The following MEX3D variants were observed in gnomAD, a reference collection of about 807,000 sequenced individuals.
MEX3D encodes the protein mex-3 RNA binding family member D, also known as RNA-binding protein MEX3D.
MEX3D carries 4 observed loss-of-function variants against 6.3 expected under a neutral mutation model. The observed-to-expected ratio is 0.64, with a 90% CI of 0.31 to 1.46. The LOEUF (loss-of-function observed/expected upper bound fraction) is 1.46. Among genes scored for constraint, MEX3D ranks in the 40% most tolerant of loss-of-function variants. The pLI is 0.07. For missense variants in MEX3D, 1,038 were observed against 994.4 expected, an observed-to-expected ratio of 1.04 and a Z score of -0.59; for synonymous variants, 626 against 494.1, an observed-to-expected ratio of 1.27 and a Z score of -3.54.
Position 1,567,848 on chromosome 19 carries a change from G to C in MEX3D, c.211C>G (p.Leu71Val). The C allele has an allele frequency of 1.0e-6, 1 of 1,002,498 alleles. No individual in the cohort carries two copies. The highest frequency in any genetic ancestry group is 1.2e-6 in the Non-Finnish European group (1 of 842,538). The allele number at this position is 1,002,498 out of a possible 1,614,324, so 62.1% of individuals were successfully genotyped here. A position where few individuals can be genotyped will look rare whatever the true frequency, so the allele number is the denominator to read the frequency against. ...TCGTCCGTGTCGCCAGCGCCCCCCA[G>C]CCCGAGCGCCGACAGCTGGTCCAGC... Reference protein sequence around the residue: ...LALDQLSALGLGGAGDTDEEG... With the variant: ...LALDQLSALGVGGAGDTDEEG... The change falls in exon 1 of 2, where the codon CTG becomes GTG. Residue 71 changes from leucine to valine, a missense_variant. Physicochemically the swap from Leu to Val is conservative, Grantham distance 32 (BLOSUM62 1). Around this residue, in one of 5 missense-constraint regions of MEX3D, gnomAD observed 265 missense variants for 206.3 expected, o/e 1.28. Transcript: ENST00000402693. The surrounding 1 kb of genome is among the most constrained non-coding windows in gnomAD (Gnocchi z 6.5).
chr19:1,558,049 C>CAA (rs35362564), intron 1 of MEX3D, among the ~76,000 whole-genome samples: 113 of 83,810 alleles, frequency 1.3e-3, no homozygotes, highest in African/African-American at 3.0e-3. Flanking sequence ...GACTCCATTT[C>CAA]AAAAAAAAAA....
intron 1 of MEX3D, among the ~76,000 whole-genome samples, chr19:1,565,759 G>C (rs879377341): frequency 6.6e-6 from 1 of 152,184 alleles, no homozygotes; most frequent in Non-Finnish European, 1.5e-5. Flanking sequence ...GGTGCAGAAC[G>C]CACAGGCCAG....
At chr19:1,564,466 G>A (rs1599328253) in intron 1 of MEX3D, among the ~76,000 whole-genome samples, 1 of 151,224 alleles carries the variant, frequency 6.6e-6, no homozygotes, top group Non-Finnish European at 1.5e-5. Context: ...CTGGGAGGTG[G>A]AGCTTGCAGT....
rs532977757 is a variant in MEX3D, at chr19:1,556,383, T to C, written c.1136A>G (p.Gln379Arg). ...AASLWAKTPN[Q>R]GRRPPTATAG... The stretch of plus-strand genomic sequence containing the variant: ...CGTGGCCGTGGGGGGCCGTCGTCCC[T>C]GGTTGGGGGTCTTGGCCCAGAGGCT... The change falls in exon 2 of 2, where the codon CAG becomes CGG. Residue 379 changes from glutamine (Q) to arginine (R), a missense_variant. Gln to Arg is a conservative substitution (Grantham distance 43, BLOSUM62 1). Coordinates refer to ENST00000402693, the MANE Select transcript of MEX3D (RefSeq NM_203304.4). The surrounding 1 kb of genome is among the most constrained non-coding windows in gnomAD (Gnocchi z 7.5). 2.6e-6 allele frequency: 4 copies of C among 1,528,494 alleles called. No individual in the cohort carries two copies. The highest frequency in any genetic ancestry group is 1.2e-5 in the South Asian group (1 of 82,490). 94.7% of individuals were successfully genotyped at this position (1,528,494 alleles called of 1,614,324 possible). A position where few individuals can be genotyped will look rare whatever the true frequency, so the allele number is the denominator to read the frequency against.
At position 1,555,777 on chromosome 19, in the gene MEX3D, G is replaced by T; in HGVS notation, c.1742C>A (p.Ser581Tyr). Residue 581 changes from serine (S) to tyrosine (Y), a missense_variant, in exon 2 of 2, where the codon TCC (serine) becomes TAC (tyrosine). Around this residue, in one of 5 missense-constraint regions of MEX3D, gnomAD observed 581 missense variants for 516.2 expected, o/e 1.13. Coordinates refer to ENST00000402693, the MANE Select transcript of MEX3D (RefSeq NM_203304.4). ...AACAPLDSGA[S>Y]ENSRKPPSAS... ...CGAAGGGGGCTTGCGGCTGTTCTCG[G>T]AGGCGCCGGAGTCCAGGGGGGCGCA... 1 of 1,458,548 alleles carries T rather than the reference G, an allele frequency of 6.9e-7. No homozygotes were observed. Among genetic ancestry groups the T allele is most frequent in the Non-Finnish European group, 9.0e-7 (1 of 1,112,848 alleles). 90.4% of individuals were successfully genotyped at this position (1,458,548 alleles called of 1,614,324 possible). A position where few individuals can be genotyped will look rare whatever the true frequency, so the allele number is the denominator to read the frequency against.
chr19:1,556,751 C>T lies in MEX3D; in HGVS notation c.768G>A (p.Lys256=), dbSNP rs751270275. Residue 256 remains lysine (K), a synonymous_variant, in exon 2 of 2, where the codon AAG becomes AAA. Coordinates refer to ENST00000402693, the MANE Select transcript of MEX3D (RefSeq NM_203304.4). This position sits in a 1 kb window ranked among gnomAD's most constrained non-coding sequence, Gnocchi z 7.5. The stretch of plus-strand genomic sequence containing the variant: ...GGGCGGCGCCGGGCAGACCCCCGGC[C>T]TTGCTGCGCGTGGCGCGGATGATGG... ...HFSIIRATRS[K]AGGLPGAAQG... The T allele has an allele frequency of 2.7e-5, 43 of 1,612,126 alleles. No homozygotes were observed. The highest frequency in any genetic ancestry group is 3.4e-5 in the Non-Finnish European group (40 of 1,179,636).
Position 1,568,013 on chromosome 19 carries a change from C to A in MEX3D, c.46G>T (p.Gly16Cys), listed in dbSNP as rs868787363. 11 of 978,080 alleles carry A rather than the reference C, an allele frequency of 1.1e-5. No individual in the cohort carries two copies. The South Asian group carries it at 5.0e-4, about 44-fold the overall frequency. 60.6% of individuals were successfully genotyped at this position (978,080 alleles called of 1,614,324 possible). Residue 16 changes from glycine to cysteine, a missense_variant, in exon 1 of 2, where the codon GGC becomes TGC. Gly to Cys is a radical substitution (Grantham distance 159). Transcript: ENST00000402693. ...GCCGCCCCCACGCCGCCGCCGCCGC[C>A]GCCCCCGCCCCCGCCGCCGTCGGGC... ...GQPDGGGGGGGGGGGVGAAGE... is the reference protein window; with the variant it reads ...GQPDGGGGGGCGGGGVGAAGE...
chr19:1,567,386 G>C lies in MEX3D; in HGVS notation c.595+78C>G. The C allele has an allele frequency of 7.0e-7, 1 of 1,429,134 alleles. No homozygotes were observed. 88.5% of individuals were successfully genotyped at this position (1,429,134 alleles called of 1,614,324 possible). On this transcript the variant is annotated intron_variant, in intron 1 of 1. Coordinates refer to ENST00000402693, the MANE Select transcript of MEX3D (RefSeq NM_203304.4). The surrounding 1 kb of genome is among the most constrained non-coding windows in gnomAD (Gnocchi z 6.5). The stretch of plus-strand genomic sequence containing the variant: ...CGGGGCGTCCGGCGCGGGCTGGGCT[G>C]GGCTCGGGCGACCCCCTTCCCCGGG...
At chr19:1,560,484 G>A (rs749394862) in intron 1 of MEX3D, among the ~76,000 whole-genome samples, 7 of 152,242 alleles carry the variant, frequency 4.6e-5, no homozygotes, top group Non-Finnish European at 7.3e-5. Context: ...GAGCCGCCCC[G>A]GGTCCCCAGA....
rs977729773 is a variant in MEX3D, at chr19:1,555,465, GC to G, written c.*97del. 5 of 793,678 alleles carry G rather than the reference GC, an allele frequency of 6.3e-6. No homozygotes were observed. In the African/African-American group the frequency reaches 1.4e-4, roughly 22 times the overall value. 49.2% of individuals were successfully genotyped at this position (793,678 alleles called of 1,614,324 possible). A position where few individuals can be genotyped will look rare whatever the true frequency, so the allele number is the denominator to read the frequency against. On this transcript the variant is annotated 3_prime_UTR_variant, in exon 2 of 2. Transcript: ENST00000402693. ...CCTGCCCCCTCGGCCTCCGCCCCTCGCCCCCTCCCCGTCCCTCTCCCACCCC... is the reference window on the plus strand; with the variant it reads ...CCTGCCCCCTCGGCCTCCGCCCCTCGCCCCTCCCCGTCCCTCTCCCACCCC...
Position 1,555,454 on chromosome 19 carries a change from C to A in MEX3D, c.*109G>T. On this transcript the variant is annotated 3_prime_UTR_variant, in exon 2 of 2. Coordinates refer to ENST00000402693, the MANE Select transcript of MEX3D (RefSeq NM_203304.4). ...CCGCCCACCCCCCTGCCCCCTCGGC[C>A]TCCGCCCCTCGCCCCCTCCCCGTCC... 1 of 1,432,550 alleles carries A rather than the reference C, an allele frequency of 7.0e-7. No individual in the cohort carries two copies. Among genetic ancestry groups the A allele is most frequent in the South Asian group, 1.3e-5 (1 of 77,316 alleles). 88.7% of individuals were successfully genotyped at this position (1,432,550 alleles called of 1,614,324 possible). A position where few individuals can be genotyped will look rare whatever the true frequency, so the allele number is the denominator to read the frequency against.
Position 1,556,249 on chromosome 19 carries a change from A to AT in MEX3D, c.1269_1270insA (p.Tyr424IlefsTer54). The AT allele has an allele frequency of 7.3e-7, 1 of 1,373,102 alleles. No homozygotes were observed. Among genetic ancestry groups the AT allele is most frequent in the Admixed American group, 3.4e-5 (1 of 29,812 alleles). 85.1% of individuals were successfully genotyped at this position (1,373,102 alleles called of 1,614,324 possible). On this transcript the variant is annotated frameshift_variant, in exon 2 of 2. Transcript: ENST00000402693. LOFTEE classifies it low-confidence loss of function (END_TRUNC). The surrounding 1 kb of genome is among the most constrained non-coding windows in gnomAD (Gnocchi z 7.5). Reference sequence around the variant, plus strand: ...AAGCCCCCGTTGCCGGAGCCGCTGTAGGGGCTGGCGGGGCCTGGGTCCGGC... The same window carrying AT: ...AAGCCCCCGTTGCCGGAGCCGCTGTATGGGGCTGGCGGGGCCTGGGTCCGGC...
At chr19:1,558,391 G>C (rs77151818) in intron 1 of MEX3D, among the ~76,000 whole-genome samples, 2 of 149,552 alleles carry the variant, frequency 1.3e-5, no homozygotes, top group African/African-American at 4.9e-5. Flanking sequence ...AAAAAAAAAA[G>C]ACACACACAC....
intron 1 of MEX3D, among the ~76,000 whole-genome samples, chr19:1,559,356 C>A (rs1303910428): frequency 6.6e-6 from 1 of 152,216 alleles, no homozygotes; most frequent in Non-Finnish European, 1.5e-5. Flanking sequence ...TGGTCTTGAA[C>A]TCCTGACCTC....
chr19:1,562,417 C>T (rs573188940), intron 1 of MEX3D, among the ~76,000 whole-genome samples: 120 of 145,542 alleles, frequency 8.2e-4, no homozygotes, highest in South Asian at 1.3e-3. Flanking sequence ...CCCAGTTACT[C>T]GGGAGGCTGA....
At chr19:1,562,386 G>A (rs76278308) in intron 1 of MEX3D, among the ~76,000 whole-genome samples, 138 of 151,970 alleles carry the variant, frequency 9.1e-4, no homozygotes, top group Non-Finnish European at 1.4e-3. Context: ...TTAGCCGGGC[G>A]TGGTGGCGGG....
At chr19:1,564,532 C>CAAA (rs75476631) in intron 1 of MEX3D, among the ~76,000 whole-genome samples, 3 of 68,238 alleles carry the variant, frequency 4.4e-5, no homozygotes, top group African/African-American at 1.7e-4. Flanking sequence ...GACTCCATCC[C>CAAA]AAAAAAAAAA....
intron 1 of MEX3D, among the ~76,000 whole-genome samples, chr19:1,558,818 G>T (rs1914647406): frequency 7.2e-5 from 11 of 152,180 alleles, no homozygotes; most frequent in Admixed American, 7.2e-4. Flanking sequence ...GGCCTGCTGT[G>T]GCTTTGTTCT....
intron 1 of MEX3D, among the ~76,000 whole-genome samples, chr19:1,564,050 C>T (rs1914781743): frequency 6.6e-6 from 1 of 151,686 alleles, no homozygotes; most frequent in African/African-American, 2.4e-5. Context: ...TCGAGGGATC[C>T]TCCTGCCTCA....
Sources: allele counts gnomAD v4.1 joint callset (sites outside exome capture counted in the v4.1 genomes callset), GRCh38; gene constraint gnomAD v4.1.1; regional missense constraint gnomAD v4.1.1; non-coding constraint Gnocchi (gnomAD v3.1); transcripts MANE v1.5; gene names NCBI Gene and HGNC (gene_info 2026-07-23, HGNC 2026-07-21).